FHIT: variants seen among roughly 807,000 people sequenced by gnomAD.
The protein encoded by FHIT is fragile histidine triad diadenosine triphosphatase.
Under a neutral mutation model 17.9 loss-of-function variants are expected in FHIT, and 19 were observed. The observed-to-expected ratio is 1.06, with a 90% CI of 0.74 to 1.56. The LOEUF is 1.56. Among genes scored for constraint, FHIT ranks in the 40% most tolerant of loss-of-function variants. The pLI is 0.00. For missense variants in FHIT, 248 were observed against 189.2 expected (o/e 1.31, Z -1.82); for synonymous variants, 81 against 69.7 (o/e 1.16, Z -0.81).
chr3:59,870,486 T>C (rs1361772403), intron 8 of FHIT, among the ~76,000 whole-genome samples: 1 of 152,196 alleles, frequency 6.6e-6, no homozygotes, highest in African/African-American at 2.4e-5. Context: ...AACAAAGGTA[T>C]CTCATAAGGA....
At chr3:60,107,685 G>T (rs1576115287) in intron 5 of FHIT, among the ~76,000 whole-genome samples, 1 of 152,150 alleles carries the variant, frequency 6.6e-6, no homozygotes, top group African/African-American at 2.4e-5. Flanking sequence ...ATAGGCATTT[G>T]CAAGGAATAG....
rs1362264434 is a variant in FHIT at position 60,981,354 on chromosome 3, G to C, written c.-111+60693C>G. On this transcript the variant is annotated intron_variant, in intron 3 of 9. Coordinates refer to ENST00000492590, the MANE Select transcript of FHIT (RefSeq NM_002012.4). ...GAGTCTCACTCTGTCACCCAGGCTG[G>C]AGTGCAGTAGCGTGATCTTAGCTCA... is the stretch of plus-strand genomic sequence containing the variant. Among the ~76,000 whole-genome samples, 3 of 146,430 alleles carry C rather than the reference G, an allele frequency of 2.0e-5. No individual in the cohort carries two copies. In the Admixed American group the frequency reaches 2.1e-4, roughly 10 times the overall value.
chr3:60,988,973 A>AC (rs1559890659), intron 3 of FHIT, among the ~76,000 whole-genome samples: 1 of 141,724 alleles, frequency 7.1e-6, no homozygotes, highest in African/African-American at 2.7e-5. Flanking sequence ...AAAAAAAAAA[A>AC]AACAAGATAA....
At chr3:60,412,684 T>A (rs1222378233) in intron 5 of FHIT, among the ~76,000 whole-genome samples, 3 of 152,146 alleles carry the variant, frequency 2.0e-5, no homozygotes, top group African/African-American at 7.2e-5. Flanking sequence ...AGGAAGGGAC[T>A]GAGCAGAGTC....
intron 4 of FHIT, among the ~76,000 whole-genome samples, chr3:60,669,370 C>T (rs1226746376): frequency 6.6e-6 from 1 of 152,182 alleles, no homozygotes; most frequent in Non-Finnish European, 1.5e-5. Context: ...TCCCTCTGGT[C>T]ATCACAATCT....
chr3:61,162,293 AAAG>A (rs2037719903), intron 2 of FHIT, among the ~76,000 whole-genome samples: 1 of 152,174 alleles, frequency 6.6e-6, no homozygotes, highest in Non-Finnish European at 1.5e-5. Context: ...CTCCTGAATG[AAAG>A]CCAAGTTCTA....
At chr3:59,754,057 A>G (rs1613046) in intron 8 of FHIT, among the ~76,000 whole-genome samples, 1,926 of 152,196 alleles carry the variant, frequency 0.013, 49 homozygotes, top group African/African-American at 0.044. Flanking sequence ...TCAGGCCCCA[A>G]ACTCTAAATC....
At chr3:60,415,904 AATTATAT>A (rs1302353794) in intron 5 of FHIT, among the ~76,000 whole-genome samples, 4 of 71,180 alleles carry the variant, frequency 5.6e-5, no homozygotes, top group African/African-American at 1.8e-4. Flanking sequence ...CATACAATAT[AATTATAT>A]ATAACATATT....
intron 2 of FHIT, among the ~76,000 whole-genome samples, chr3:61,097,816 T>C (rs1419703511): frequency 2.0e-5 from 3 of 152,180 alleles, no homozygotes; most frequent in Admixed American, 6.5e-5. Flanking sequence ...CTCTTGTAAA[T>C]TTGTTTAAGT....
At chr3:60,001,935 G>A (rs1369568344) in intron 7 of FHIT, among the ~76,000 whole-genome samples, 1 of 152,160 alleles carries the variant, frequency 6.6e-6, no homozygotes, top group Non-Finnish European at 1.5e-5. Context: ...AGGGCACCAG[G>A]ATGGAAAGCA....
At chr3:60,710,742 G>A (rs1356314833) in intron 4 of FHIT, among the ~76,000 whole-genome samples, 2 of 152,204 alleles carry the variant, frequency 1.3e-5, no homozygotes, top group Non-Finnish European at 2.9e-5. Flanking sequence ...CATTGCCCAG[G>A]CTCACTTAGG....
At chr3:61,168,053 G>C (rs1038029449) in intron 2 of FHIT, among the ~76,000 whole-genome samples, 1 of 152,144 alleles carries the variant, frequency 6.6e-6, no homozygotes, top group African/African-American at 2.4e-5. Context: ...GCAGCCTCTT[G>C]ATACCACCAC....
At chr3:60,350,373 T>G (rs1711026085) in intron 5 of FHIT, among the ~76,000 whole-genome samples, 2 of 152,166 alleles carry the variant, frequency 1.3e-5, no homozygotes, top group Admixed American at 1.3e-4. Flanking sequence ...TAACCAATAT[T>G]TGCCATGTAG....
chr3:60,099,367 T>C (rs1187860688), intron 5 of FHIT, among the ~76,000 whole-genome samples: 1 of 152,186 alleles, frequency 6.6e-6, no homozygotes, highest in African/African-American at 2.4e-5. Flanking sequence ...GTGGAATACA[T>C]TATTCTCATA....
At chr3:60,544,130 C>A (rs926102133) in intron 4 of FHIT, among the ~76,000 whole-genome samples, 11 of 151,270 alleles carry the variant, frequency 7.3e-5, no homozygotes, top group Admixed American at 4.6e-4. Flanking sequence ...AATTTTCCTA[C>A]TTTCATGTTT....
chr3:60,481,747 C>A (rs1394665137), intron 5 of FHIT, among the ~76,000 whole-genome samples: 2 of 152,108 alleles, frequency 1.3e-5, no homozygotes, highest in Admixed American at 6.6e-5. Flanking sequence ...AACAATGGCA[C>A]TATGAAGAAA....
chr3:60,613,829 G>T (rs1345692977), intron 4 of FHIT, among the ~76,000 whole-genome samples: 2 of 152,082 alleles, frequency 1.3e-5, no homozygotes, highest in African/African-American at 4.8e-5. Flanking sequence ...GTCTTGGAGG[G>T]ACAAAGTGGG....
intron 5 of FHIT, among the ~76,000 whole-genome samples, chr3:60,317,743 C>T (rs530630386): frequency 5.7e-4 from 85 of 148,966 alleles, no homozygotes; most frequent in Non-Finnish European, 1.0e-3. Flanking sequence ...AACTCTAGTA[C>T]TGGGAAGTAC....
At chr3:60,367,681 A>C (rs888639951) in intron 5 of FHIT, among the ~76,000 whole-genome samples, 1 of 152,226 alleles carries the variant, frequency 6.6e-6, no homozygotes, top group African/African-American at 2.4e-5. Context: ...AAAACAACAA[A>C]GCAAAAGTTA....
Sources: gnomAD v4.1 joint callset for allele counts (sites outside exome capture counted in the v4.1 genomes callset) on GRCh38, gnomAD v4.1.1 for gene constraint, MANE v1.5 for transcripts, NCBI Gene and HGNC (gene_info 2026-07-23, HGNC 2026-07-21) for gene names.